Variants in HTR1F observed in about 807,000 individuals in gnomAD.
The protein encoded by HTR1F is 5-hydroxytryptamine receptor 1F, also known as 5-hydroxytryptamine (serotonin) receptor 1F, G protein-coupled.
HTR1F carries 17 observed loss-of-function variants against 24.0 expected under a neutral mutation model. That is an observed-to-expected ratio of 0.71 (90% CI 0.48 to 1.06). HTR1F has a LOEUF of 1.06. Ranked by LOEUF, HTR1F falls within the 50% of genes least tolerant of loss-of-function variation. The probability of loss-of-function intolerance (pLI) is 0.00; values close to 1 mark genes in which losing one functional copy is unlikely to be tolerated. For synonymous variants in HTR1F, 186 were observed against 156.8 expected, an observed-to-expected ratio of 1.19 and a Z score of -1.39; for missense variants, 391 against 427.8, an observed-to-expected ratio of 0.91 and a Z score of 0.76.
intron 2 of HTR1F, among the ~76,000 whole-genome samples, chr3:87,930,133 T>G (rs1704226183): frequency 6.6e-6 from 1 of 152,192 alleles, no homozygotes; most frequent in South Asian, 2.1e-4. Flanking sequence ...GACATTGATT[T>G]TGTATCCTGA....
At chr3:87,944,000 C>T (rs1704635629) in intron 2 of HTR1F, among the ~76,000 whole-genome samples, 1 of 152,206 alleles carries the variant, frequency 6.6e-6, no homozygotes, top group Non-Finnish European at 1.5e-5. Flanking sequence ...CTAGAGCCCC[C>T]TCTGTGGTCC....
At chr3:87,971,688 G>A (rs942865601) in intron 2 of HTR1F, among the ~76,000 whole-genome samples, 3 of 152,138 alleles carry the variant, frequency 2.0e-5, no homozygotes, top group African/African-American at 7.2e-5. Flanking sequence ...ACCACCTCTT[G>A]TGTATCTTTC....
chr3:87,825,913 G>A (rs1477637399), intron 2 of HTR1F, among the ~76,000 whole-genome samples: 1 of 152,184 alleles, frequency 6.6e-6, no homozygotes, highest in Non-Finnish European at 1.5e-5. Flanking sequence ...ACCTCTATCA[G>A]TGGTGTAATA....
intron 2 of HTR1F, among the ~76,000 whole-genome samples, chr3:87,891,895 A>C (rs983254476): frequency 2.6e-4 from 39 of 152,228 alleles, no homozygotes; most frequent in Admixed American, 6.5e-4. Context: ...GTCTCTGACT[A>C]CTGTACAATG....
At chr3:87,927,513 T>A (rs746826601) in intron 2 of HTR1F, among the ~76,000 whole-genome samples, 2 of 152,112 alleles carry the variant, frequency 1.3e-5, no homozygotes, top group Non-Finnish European at 2.9e-5. Context: ...ACCAAAAAAA[T>A]GTATATTATA....
chr3:87,937,218 C>G (rs564810554), intron 2 of HTR1F, among the ~76,000 whole-genome samples: 6 of 152,058 alleles, frequency 3.9e-5, no homozygotes, highest in Admixed American at 2.0e-4. Context: ...AACATTGATG[C>G]AAAAATCCTC....
intron 2 of HTR1F, among the ~76,000 whole-genome samples, chr3:87,989,485 A>G (rs1396200748): frequency 1.3e-5 from 2 of 152,218 alleles, no homozygotes; most frequent in Non-Finnish European, 2.9e-5. Flanking sequence ...ATATCCACAA[A>G]GACAAGTAAG....
intron 2 of HTR1F, among the ~76,000 whole-genome samples, chr3:87,857,485 T>A (rs555742888): frequency 6.6e-6 from 1 of 152,254 alleles, no homozygotes; most frequent in South Asian, 2.1e-4. Context: ...CCATAATAAA[T>A]AGACCCAAAA....
chr3:87,821,274 T>C (rs1704355586), intron 1 of HTR1F, among the ~76,000 whole-genome samples: 1 of 152,194 alleles, frequency 6.6e-6, no homozygotes, highest in African/African-American at 2.4e-5. Context: ...GTATGAATCT[T>C]TTATTTTCCA....
At chr3:87,954,005 T>C in intron 2 of HTR1F, among the ~76,000 whole-genome samples, 1 of 151,654 alleles carries the variant, frequency 6.6e-6, no homozygotes, top group Non-Finnish European at 1.5e-5. Flanking sequence ...AGGTAAAGAA[T>C]AGAATGATAG....
At chr3:87,813,614 G>T (rs1704197399) in intron 1 of HTR1F, among the ~76,000 whole-genome samples, 1 of 152,126 alleles carries the variant, frequency 6.6e-6, no homozygotes, top group African/African-American at 2.4e-5. Context: ...GGGGCAGAAT[G>T]ATATTGTTTG....
chr3:87,807,430 C>T (rs1196049926), intron 1 of HTR1F, among the ~76,000 whole-genome samples: 1 of 151,760 alleles, frequency 6.6e-6, no homozygotes, highest in Non-Finnish European at 1.5e-5. Flanking sequence ...TTAATTAGTA[C>T]ATTAATTAGC....
intron 2 of HTR1F, among the ~76,000 whole-genome samples, chr3:87,863,114 C>G (rs1273935555): frequency 6.6e-6 from 1 of 152,194 alleles, no homozygotes; most frequent in African/African-American, 2.4e-5. Context: ...CTGTGCCTGG[C>G]CACATACTTA....
intron 2 of HTR1F, among the ~76,000 whole-genome samples, chr3:87,934,623 T>C (rs1704367098): frequency 6.6e-6 from 1 of 152,200 alleles, no homozygotes; most frequent in Non-Finnish European, 1.5e-5. Flanking sequence ...CTTGACTTCA[T>C]CTCTGACTCC....
At chr3:87,990,327 A>T (rs1464821762) in intron 2 of HTR1F, among the ~76,000 whole-genome samples, 1 of 152,232 alleles carries the variant, frequency 6.6e-6, no homozygotes, top group African/African-American at 2.4e-5. Context: ...AGTCAGTAGT[A>T]CTGAAACAGT....
chr3:87,837,645 T>C (rs1397084588), intron 2 of HTR1F, among the ~76,000 whole-genome samples: 1 of 152,110 alleles, frequency 6.6e-6, no homozygotes, highest in Non-Finnish European at 1.5e-5. Flanking sequence ...TAGAAATAGA[T>C]GAATATACAG....
intron 2 of HTR1F, among the ~76,000 whole-genome samples, chr3:87,916,309 GAAAAAA>G (rs34801984): frequency 9.0e-6 from 1 of 111,066 alleles, no homozygotes; most frequent in Non-Finnish European, 1.8e-5. Context: ...AAGCAAAAAA[GAAAAAA>G]AAAAAAAAAA....
chr3:87,800,833 C>G (rs2107065348), intron 1 of HTR1F, among the ~76,000 whole-genome samples: 1 of 152,300 alleles, frequency 6.6e-6, no homozygotes, highest in African/African-American at 2.4e-5. Context: ...TATGGCATTT[C>G]TCTCTTTCAA....
intron 2 of HTR1F, among the ~76,000 whole-genome samples, chr3:87,852,215 A>T (rs750111401): frequency 6.6e-6 from 1 of 151,616 alleles, no homozygotes; most frequent in African/African-American, 2.4e-5. Context: ...ATTGCATTTT[A>T]TCTTCTTCTT....
Sources: allele counts gnomAD v4.1 joint callset (sites outside exome capture counted in the v4.1 genomes callset), GRCh38; gene constraint gnomAD v4.1.1; transcripts MANE v1.5; gene names NCBI Gene and HGNC (gene_info 2026-07-23, HGNC 2026-07-21).